KIF13B: variants seen among roughly 807,000 people sequenced by gnomAD.
The protein encoded by KIF13B is kinesin family member 13B.
Under a neutral mutation model 222.0 loss-of-function variants are expected in KIF13B, and 127 were observed. The ratio of observed to expected loss-of-function variants is 0.57; its 90% CI spans 0.50 to 0.66. The LOEUF is 0.66. Ranked by LOEUF, KIF13B falls within the 30% of genes least tolerant of loss-of-function variation. The pLI is 0.00. For missense variants in KIF13B, 2,173 were observed against 2,379.0 expected (o/e 0.91, Z 1.80); for synonymous variants, 976 against 919.0 (o/e 1.06, Z -1.12).
chr8:29,153,794 T>C (rs1049249692), intron 14 of KIF13B, among the ~76,000 whole-genome samples: 1 of 152,122 alleles, frequency 6.6e-6, no homozygotes, highest in Non-Finnish European at 1.5e-5. Context: ...ATTCCTCTCA[T>C]CCTCCTACTC....
At chr8:29,160,454 T>C (rs988865567) in intron 13 of KIF13B, among the ~76,000 whole-genome samples, 1 of 152,216 alleles carries the variant, frequency 6.6e-6, no homozygotes, top group Non-Finnish European at 1.5e-5. Flanking sequence ...AGTCATCCAT[T>C]TTTAAAGTTA....
At position 29,245,447 on chromosome 8, in the gene KIF13B, T is replaced by TA. The variant is rs778941544; in HGVS notation, c.56-9dup. On this transcript the variant is annotated splice_polypyrimidine_tract_variant and intron_variant, in intron 1 of 39. Coordinates refer to ENST00000524189, the MANE Select transcript of KIF13B (RefSeq NM_015254.4). ...TGGTATGCAAGTCAGTCTCTGTGGA[T>TA]AAAAAAACAAGAAAAACAGTCATTT... 9.5e-5 allele frequency: 147 copies of TA among 1,552,782 alleles called. No homozygotes were observed. The highest frequency in any genetic ancestry group is 2.7e-4 in the Admixed American group (13 of 48,038).
At chr8:29,085,737 A>T in intron 37 of KIF13B, among the ~76,000 whole-genome samples, 1 of 76,176 alleles carries the variant, frequency 1.3e-5, no homozygotes, top group East Asian at 3.8e-4. Flanking sequence ...TTTTTTTTTA[A>T]AGGGAGCCAG....
chr8:29,228,472 A>AAAAAAAATATATATATATAT, intron 2 of KIF13B, among the ~76,000 whole-genome samples: 2 of 117,084 alleles, frequency 1.7e-5, no homozygotes, highest in African/African-American at 6.5e-5. Flanking sequence ...ATCTTAAAAA[A>AAAAAAAATATATATATATAT]ATATATATAT....
intron 11 of KIF13B, among the ~76,000 whole-genome samples, chr8:29,166,149 A>C (rs1046083848): frequency 6.6e-6 from 1 of 152,222 alleles, no homozygotes; most frequent in Non-Finnish European, 1.5e-5. Context: ...ATTTATCCAC[A>C]TATGTACAGA....
At position 29,140,069 on chromosome 8, in the gene KIF13B, C is replaced by T. The variant is rs774481791; in HGVS notation, c.2607G>A (p.Val869=). The T allele has an allele frequency of 2.5e-6, 4 of 1,586,688 alleles. No individual in the cohort carries two copies. Among genetic ancestry groups the T allele is most frequent in the East Asian group, 2.3e-5 (1 of 43,258 alleles). ...FEKETQENKL[V]CMVKILQATG... is the part of the protein sequence containing the mutation. ...GGATGAAGCTGGGACTTACCATGCACACCAGTTTGTTCTCCTGGGTCTCCT... is the reference window on the plus strand; with the variant it reads ...GGATGAAGCTGGGACTTACCATGCATACCAGTTTGTTCTCCTGGGTCTCCT... Residue 869 remains valine (V), a synonymous_variant, in exon 21 of 40, where the codon GTG becomes GTA. Coordinates refer to ENST00000524189, the MANE Select transcript of KIF13B (RefSeq NM_015254.4).
chr8:29,123,230 A>G, intron 28 of KIF13B, 136 bp downstream of exon 28: 1 of 955,710 alleles, frequency 1.0e-6, no homozygotes, highest in Non-Finnish European at 1.5e-6. Flanking sequence ...ATAATTTAAC[A>G]GTTCCTTTAA....
chr8:29,255,466 T>A (rs1213614488), intron 1 of KIF13B, among the ~76,000 whole-genome samples: 2 of 152,178 alleles, frequency 1.3e-5, no homozygotes, highest in Non-Finnish European at 2.9e-5. Flanking sequence ...AAGCTTGAAA[T>A]TCCTGGGCTT....
intron 14 of KIF13B, among the ~76,000 whole-genome samples, chr8:29,154,410 G>T (rs1205690023): frequency 6.6e-6 from 1 of 151,938 alleles, no homozygotes; most frequent in African/African-American, 2.4e-5. Flanking sequence ...GAGGGGAGGG[G>T]AGGCAGGGAG....
intron 36 of KIF13B, among the ~76,000 whole-genome samples, chr8:29,094,633 TATACAA>T (rs1563694507): frequency 6.6e-6 from 1 of 152,190 alleles, no homozygotes; most frequent in African/African-American, 2.4e-5. Flanking sequence ...CACATGGATA[TATACAA>T]ATACATTTGG....
intron 11 of KIF13B, among the ~76,000 whole-genome samples, chr8:29,166,199 C>T (rs571619712): frequency 6.6e-6 from 1 of 152,266 alleles, no homozygotes; most frequent in South Asian, 2.1e-4. Context: ...GTGTTATTAA[C>T]ACCAAGGAGA....
intron 1 of KIF13B, among the ~76,000 whole-genome samples, chr8:29,251,136 G>A (rs1816263729): frequency 6.6e-6 from 1 of 151,962 alleles, no homozygotes; most frequent in Non-Finnish European, 1.5e-5. Context: ...GGGCAACGAG[G>A]GGAGACCCTG....
At chr8:29,251,634 T>C (rs930024035) in intron 1 of KIF13B, among the ~76,000 whole-genome samples, 4 of 152,128 alleles carry the variant, frequency 2.6e-5, no homozygotes, top group Non-Finnish European at 4.4e-5. Flanking sequence ...GGAGTTGTTA[T>C]TTAATGGAGA....
chr8:29,263,206 T>C, upstream of KIF13B: 1 of 576,914 alleles, frequency 1.7e-6, no homozygotes. Flanking sequence ...GACTTGTAGT[T>C]CCCCAGGGTC....
chr8:29,239,077 AAGAC>A (rs1464347384), intron 2 of KIF13B, among the ~76,000 whole-genome samples: 7 of 152,114 alleles, frequency 4.6e-5, no homozygotes, highest in Non-Finnish European at 7.4e-5. Flanking sequence ...AAAAGAAAGA[AAGAC>A]AGGATAAACT....
intron 10 of KIF13B, 86 bp downstream of exon 10, chr8:29,175,982 C>T (rs1386180180): frequency 2.7e-6 from 2 of 748,910 alleles, no homozygotes; most frequent in Non-Finnish European, 4.7e-6. Context: ...GAAATGATAC[C>T]TGGAAGGGAT....
chr8:29,170,106 C>G (rs114964222), intron 10 of KIF13B, among the ~76,000 whole-genome samples: 114 of 152,318 alleles, frequency 7.5e-4, no homozygotes, highest in African/African-American at 2.6e-3. Context: ...AACAAAAGAA[C>G]TGGCACTCAT....
intron 2 of KIF13B, among the ~76,000 whole-genome samples, chr8:29,198,687 T>G (rs575516496): frequency 5.3e-5 from 8 of 152,346 alleles, no homozygotes; most frequent in Admixed American, 4.6e-4. Flanking sequence ...ACTATGGGTA[T>G]GCACCCAAAG....
chr8:29,215,376 G>A (rs751669108), intron 2 of KIF13B, among the ~76,000 whole-genome samples: 10 of 152,102 alleles, frequency 6.6e-5, no homozygotes, highest in East Asian at 1.9e-4. Flanking sequence ...TCCCAGGATC[G>A]ATCGAACCAA....
Sources: gnomAD v4.1 joint callset for allele counts (sites outside exome capture counted in the v4.1 genomes callset) on GRCh38, gnomAD v4.1.1 for gene constraint, MANE v1.5 for transcripts, NCBI Gene and HGNC (gene_info 2026-07-23, HGNC 2026-07-21) for gene names.